ADAMTSL1: variants seen among roughly 807,000 people sequenced by gnomAD.
The protein encoded by ADAMTSL1 is ADAMTS-like protein 1.
In ADAMTSL1, 126 loss-of-function variants were observed where a neutral mutation model predicts 201.8. That is an observed-to-expected ratio of 0.62 (90% CI 0.54 to 0.72). The LOEUF is 0.72. Among genes scored for constraint, ADAMTSL1 ranks in the 30% least tolerant of loss-of-function variants. ADAMTSL1 has a pLI of 0.00. For missense variants in ADAMTSL1, 2,679 were observed against 2,277.8 expected, an observed-to-expected ratio of 1.18 and a Z score of -3.59; for synonymous variants, 1,121 against 903.4, an observed-to-expected ratio of 1.24 and a Z score of -4.32.
chr9:17,970,183 T>C (rs554485906), intron 1 of ADAMTSL1, among the ~76,000 whole-genome samples: 2 of 152,124 alleles, frequency 1.3e-5, no homozygotes, highest in East Asian at 3.9e-4. Context: ...TTTCAAATAA[T>C]GTTCTACCAT....
At chr9:18,685,080 C>A in intron 13 of ADAMTSL1, 2 of 845,464 alleles carry the variant, frequency 2.4e-6, no homozygotes, top group Non-Finnish European at 3.0e-6. Context: ...GCGCAAGGGG[C>A]CAAAGGTGAG....
At chr9:18,343,970 T>G (rs1835585200) in intron 2 of ADAMTSL1, among the ~76,000 whole-genome samples, 1 of 152,120 alleles carries the variant, frequency 6.6e-6, no homozygotes, top group South Asian at 2.1e-4. Context: ...AGAATGTCTC[T>G]TGCTACAATC....
At chr9:18,206,378 C>T (rs1192933425) in intron 2 of ADAMTSL1, among the ~76,000 whole-genome samples, 1 of 152,116 alleles carries the variant, frequency 6.6e-6, no homozygotes, top group African/African-American at 2.4e-5. Flanking sequence ...TCTGCTGCTC[C>T]CAGGTCCTGC....
chr9:18,721,557 G>C lies in ADAMTSL1; in HGVS notation c.1898G>C (p.Ser633Thr). The change falls in exon 15 of 29, where the codon AGC becomes ACC. Residue 633 changes from serine to threonine, a missense_variant. Transcript: ENST00000380548. ...CGGGVQEAVV[S>T]CLNKQTREPA... The stretch of plus-strand genomic sequence containing the variant: ...ACAGGTGTCCAGGAGGCTGTGGTGA[G>C]CTGCTTGAACAAACAGACTCGGGAG... 1.9e-6 allele frequency: 3 copies of C among 1,613,984 alleles called. No individual in the cohort carries two copies. Among genetic ancestry groups the C allele is most frequent in the Non-Finnish European group, 2.5e-6 (3 of 1,179,896 alleles).
At chr9:18,769,381 A>G (rs539690487) in intron 16 of ADAMTSL1, among the ~76,000 whole-genome samples, 82 of 152,366 alleles carry the variant, frequency 5.4e-4, no homozygotes, top group African/African-American at 1.9e-3. Flanking sequence ...GGAAGAAATC[A>G]GCAGGCTCCC....
chr9:18,467,900 A>G (rs1418408189), intron 2 of ADAMTSL1, among the ~76,000 whole-genome samples: 1 of 152,174 alleles, frequency 6.6e-6, no homozygotes, highest in Non-Finnish European at 1.5e-5. Flanking sequence ...AAATCTGTTA[A>G]CAGCTCTTCA....
intron 15 of ADAMTSL1, chr9:18,722,968 G>A (rs770553123): frequency 1.3e-5 from 10 of 763,096 alleles, no homozygotes; most frequent in Non-Finnish European, 2.4e-5. Context: ...AAATGTGTGG[G>A]CAAAGGGCAC....
intron 2 of ADAMTSL1, among the ~76,000 whole-genome samples, chr9:18,464,162 T>G (rs1001747624): frequency 1.3e-5 from 2 of 152,198 alleles, no homozygotes; most frequent in African/African-American, 2.4e-5. Context: ...TAGTGTATAA[T>G]AAGCATGCCC....
intron 1 of ADAMTSL1, among the ~76,000 whole-genome samples, chr9:17,952,036 A>G (rs1406620352): frequency 6.6e-6 from 1 of 151,774 alleles, no homozygotes; most frequent in Non-Finnish European, 1.5e-5. Context: ...CCTGGGTCTC[A>G]AGCAATTTTC....
At chr9:18,398,253 A>C (rs186552770) in intron 2 of ADAMTSL1, among the ~76,000 whole-genome samples, 1 of 152,174 alleles carries the variant, frequency 6.6e-6, no homozygotes, top group Non-Finnish European at 1.5e-5. Context: ...TTACTCTGCT[A>C]CTGACCCATA....
At chr9:18,851,070 T>C (rs1826462689) in intron 23 of ADAMTSL1, among the ~76,000 whole-genome samples, 1 of 152,234 alleles carries the variant, frequency 6.6e-6, no homozygotes, top group South Asian at 2.1e-4. Flanking sequence ...CTACCACAAG[T>C]TCTTCCATAA....
chr9:18,089,076 C>T (rs1823892340), intron 1 of ADAMTSL1, among the ~76,000 whole-genome samples: 2 of 151,946 alleles, frequency 1.3e-5, no homozygotes, highest in South Asian at 4.2e-4. Context: ...AAAATGAACC[C>T]AGGAGATGGA....
intron 2 of ADAMTSL1, among the ~76,000 whole-genome samples, chr9:18,254,599 G>A (rs917873669): frequency 1.1e-4 from 16 of 151,508 alleles, no homozygotes; most frequent in Non-Finnish European, 2.4e-4. Context: ...TCCTGACTTC[G>A]TGATCCGCCC....
At chr9:18,735,948 A>C (rs1334537911) in intron 15 of ADAMTSL1, among the ~76,000 whole-genome samples, 1 of 151,514 alleles carries the variant, frequency 6.6e-6, no homozygotes, top group African/African-American at 2.4e-5. Context: ...ACCTCCTTCT[A>C]CCATACTTTT....
chr9:18,261,300 C>G (rs1262122964), intron 2 of ADAMTSL1, among the ~76,000 whole-genome samples: 1 of 152,058 alleles, frequency 6.6e-6, no homozygotes, highest in African/African-American at 2.4e-5. Flanking sequence ...TTTTAAGGCC[C>G]TTAGAATATC....
intron 2 of ADAMTSL1, among the ~76,000 whole-genome samples, chr9:18,451,462 G>A (rs1167530067): frequency 6.6e-6 from 1 of 152,194 alleles, no homozygotes; most frequent in Non-Finnish European, 1.5e-5. Flanking sequence ...CCATGTGAAT[G>A]GACAGAAGAG....
intron 14 of ADAMTSL1, among the ~76,000 whole-genome samples, chr9:18,714,269 T>A (rs1358479971): frequency 6.7e-6 from 1 of 149,956 alleles, no homozygotes; most frequent in Non-Finnish European, 1.5e-5. Context: ...CTGAAGGAAA[T>A]AGAGACACAA....
intron 3 of ADAMTSL1, among the ~76,000 whole-genome samples, chr9:18,567,088 G>A (rs1047154605): frequency 2.0e-5 from 3 of 152,092 alleles, no homozygotes; most frequent in African/African-American, 7.2e-5. Context: ...AGCTCTGGAG[G>A]GTGGGGCCCC....
chr9:18,066,058 A>T (rs912704079), intron 1 of ADAMTSL1, among the ~76,000 whole-genome samples: 2 of 151,764 alleles, frequency 1.3e-5, no homozygotes, highest in Non-Finnish European at 2.9e-5. Flanking sequence ...ATTTAATCAG[A>T]ATGATTGAAA....
Sources: allele counts gnomAD v4.1 joint callset (sites outside exome capture counted in the v4.1 genomes callset), GRCh38; gene constraint gnomAD v4.1.1; transcripts MANE v1.5; gene names NCBI Gene and HGNC (gene_info 2026-07-23, HGNC 2026-07-21).